Variants in BCAS3 observed in about 807,000 individuals in gnomAD.
The protein encoded by BCAS3 is BCAS3 microtubule associated cell migration factor.
BCAS3 carries 53 observed loss-of-function variants against 116.1 expected under a neutral mutation model. The observed-to-expected ratio is 0.46, with a 90% CI of 0.37 to 0.57. The LOEUF (loss-of-function observed/expected upper bound fraction) is 0.57. Among genes scored for constraint, BCAS3 ranks in the 20% least tolerant of loss-of-function variants. The pLI is 0.00. For synonymous variants in BCAS3, 391 were observed against 408.2 expected (o/e 0.96, Z 0.51); for missense variants, 917 against 1,165.4 (o/e 0.79, Z 3.10).
chr17:60,874,589 C>T lies in BCAS3; in HGVS notation c.585-73C>T, dbSNP rs540900531. ...TTGTTTTCATCTAGATGATATAATG[C>T]ATTTCTGATTCCACTTACAGAATTT... On this transcript the variant is annotated intron_variant, in intron 8 of 23. Transcript: ENST00000407086. 1.8e-5 allele frequency: 18 copies of T among 998,508 alleles called. No individual in the cohort carries two copies. The African/African-American group carries it at 2.5e-4, about 14-fold the overall frequency. 61.9% of individuals were successfully genotyped at this position (998,508 alleles called of 1,614,324 possible). A position where few individuals can be genotyped will look rare whatever the true frequency, so the allele number is the denominator to read the frequency against.
rs751329401 is a variant in BCAS3 at position 60,709,192 on chromosome 17, C to T, written c.215-27C>T. On this transcript the variant is annotated intron_variant, in intron 4 of 23. Transcript: ENST00000407086. ...ATTGCCATTATGTCTTTTAAATTTG[C>T]TTCTTTGTTACTTAATTCTAATGCA... 7 of 1,203,538 alleles carry T rather than the reference C, an allele frequency of 5.8e-6. No homozygotes were observed. The African/African-American group carries it at 1.0e-4, about 18-fold the overall frequency. The allele number at this position is 1,203,538 out of a possible 1,614,324, so 74.6% of individuals were successfully genotyped here.
chr17:60,788,238 G>A (rs2046453277), intron 6 of BCAS3, among the ~76,000 whole-genome samples: 1 of 152,122 alleles, frequency 6.6e-6, no homozygotes, highest in Non-Finnish European at 1.5e-5. Flanking sequence ...AAGGGTAACA[G>A]AAAAGAATTC....
chr17:60,790,356 A>G (rs74555236), intron 6 of BCAS3, among the ~76,000 whole-genome samples: 2,546 of 152,284 alleles, frequency 0.017, 69 homozygotes, highest in African/African-American at 0.058. Flanking sequence ...TACAAACTGT[A>G]AAGACCTTGG....
chr17:61,197,347 T>TTACATAATGGCTTACATTATG (rs1441848256), intron 22 of BCAS3, among the ~76,000 whole-genome samples: 1 of 152,206 alleles, frequency 6.6e-6, no homozygotes, highest in African/African-American at 2.4e-5. Flanking sequence ...TTACGTTTGC[T>TTACATAATGGCTTACATTATG]TAAGGAAAAG....
rs1377700401 is a variant in BCAS3 at position 61,219,309 on chromosome 17, G to T, written c.2425+134745G>T. 1.3e-5 allele frequency among the ~76,000 whole-genome samples: 2 copies of T among 152,144 alleles called. No homozygotes were observed. Among genetic ancestry groups the T allele is most frequent in the Admixed American group, 6.5e-5 (1 of 15,288 alleles). ...CGATACCCTGGAGAGGAACATTCCAGTGATTCCTTTCTGGGCATATTTCCT... is the reference window on the plus strand; with the variant it reads ...CGATACCCTGGAGAGGAACATTCCATTGATTCCTTTCTGGGCATATTTCCT... On this transcript the variant is annotated intron_variant, in intron 22 of 23. Coordinates refer to ENST00000407086, the MANE Select transcript of BCAS3 (RefSeq NM_017679.5). The surrounding 1 kb of genome is among the most constrained non-coding windows in gnomAD (Gnocchi z 5.2).
At chr17:60,894,007 T>G (rs2057351030) in intron 10 of BCAS3, among the ~76,000 whole-genome samples, 1 of 152,136 alleles carries the variant, frequency 6.6e-6, no homozygotes, top group African/African-American at 2.4e-5. Context: ...GATTTGTTAT[T>G]TTTGCTTAGG....
At chr17:60,977,476 C>T (rs991894010) in intron 14 of BCAS3, among the ~76,000 whole-genome samples, 4 of 151,410 alleles carry the variant, frequency 2.6e-5, no homozygotes, top group South Asian at 2.1e-4. Flanking sequence ...TTGCATTTGG[C>T]GGAAGCACTT....
Position 61,088,540 on chromosome 17 carries a change from G to C in BCAS3, c.2425+3976G>C, listed in dbSNP as rs2073270339. ...TGCCCTTCTTTTGATAAAGATGTAG[G>C]ACCTCTAAAGAGAAAGCAGAAAGAC... On this transcript the variant is annotated intron_variant, in intron 22 of 23. Coordinates refer to ENST00000407086, the MANE Select transcript of BCAS3 (RefSeq NM_017679.5). The surrounding 1 kb of genome is among the most constrained non-coding windows in gnomAD (Gnocchi z 4.2). Among the ~76,000 whole-genome samples the C allele has an allele frequency of 6.6e-6, 1 of 152,118 alleles. No homozygotes were observed. The highest frequency in any genetic ancestry group is 2.1e-4 in the South Asian group (1 of 4,822).
intron 19 of BCAS3, among the ~76,000 whole-genome samples, chr17:61,062,124 C>G (rs1046402207): frequency 6.6e-6 from 1 of 152,154 alleles, no homozygotes; most frequent in African/African-American, 2.4e-5. Context: ...GCTGCACCAT[C>G]TGTATCAATT....
chr17:60,872,627 C>T (rs1289563463), intron 8 of BCAS3, among the ~76,000 whole-genome samples: 3 of 150,460 alleles, frequency 2.0e-5, no homozygotes, highest in Non-Finnish European at 4.4e-5. Context: ...TATGTATATA[C>T]ACACATACAC....
chr17:61,074,981 T>C lies in BCAS3; in HGVS notation c.2091T>C (p.Ser697=), dbSNP rs1176797440. ...ATGGGTCTTACGACAGTTTAGCTTCTGACCATAGTGGACAGGAAGATGAAG... is the reference window on the plus strand; with the variant it reads ...ATGGGTCTTACGACAGTTTAGCTTCCGACCATAGTGGACAGGAAGATGAAG... ...TRHGSYDSLA[S]DHSGQEDEEW... Residue 697 remains serine (S), a synonymous_variant, in exon 20 of 24, where the codon TCT becomes TCC. Coordinates refer to ENST00000407086, the MANE Select transcript of BCAS3 (RefSeq NM_017679.5). 1 of 1,613,540 alleles carries C rather than the reference T, an allele frequency of 6.2e-7. No homozygotes were observed. Among genetic ancestry groups the C allele is most frequent in the African/African-American group, 1.3e-5 (1 of 74,928 alleles).
intron 9 of BCAS3, among the ~76,000 whole-genome samples, chr17:60,880,163 T>G (rs147874647): frequency 6.8e-4 from 103 of 152,336 alleles, no homozygotes; most frequent in African/African-American, 2.2e-3. Flanking sequence ...TAAAAACTCA[T>G]AAAACCTTAT....
chr17:60,820,325 G>C (rs150116554), intron 7 of BCAS3, among the ~76,000 whole-genome samples: 1 of 152,120 alleles, frequency 6.6e-6, no homozygotes, highest in African/African-American at 2.4e-5. Flanking sequence ...GATTACAGGC[G>C]TGAGCCACCG....
chr17:60,704,466 G>A (rs1462595894), intron 4 of BCAS3, among the ~76,000 whole-genome samples: 1 of 152,204 alleles, frequency 6.6e-6, no homozygotes, highest in Non-Finnish European at 1.5e-5. Flanking sequence ...TAGACAGTGG[G>A]AACCCTTTTT....
chr17:61,031,481 T>G (rs1329826756), intron 16 of BCAS3, among the ~76,000 whole-genome samples: 3 of 152,072 alleles, frequency 2.0e-5, no homozygotes, highest in Admixed American at 6.6e-5. Context: ...AAGTTAAAAT[T>G]TCTAACTTTG....
chr17:60,820,277 C>T (rs1378376894), intron 7 of BCAS3, among the ~76,000 whole-genome samples: 1 of 151,932 alleles, frequency 6.6e-6, no homozygotes, highest in East Asian at 2.0e-4. Context: ...GATCTCCTGA[C>T]CTTGTGATCT....
intron 22 of BCAS3, among the ~76,000 whole-genome samples, chr17:61,110,654 C>T (rs1312877033): frequency 4.0e-5 from 6 of 151,338 alleles, no homozygotes; most frequent in South Asian, 2.1e-4. Context: ...AAGGCGGCAG[C>T]GAGGCTGGGG....
At chr17:60,830,622 T>G (rs2050830967) in intron 7 of BCAS3, among the ~76,000 whole-genome samples, 1 of 152,160 alleles carries the variant, frequency 6.6e-6, no homozygotes, top group Admixed American at 6.5e-5. Flanking sequence ...CTTAGGATAC[T>G]GAGGACCAAA....
intron 13 of BCAS3, among the ~76,000 whole-genome samples, chr17:60,938,017 CT>C (rs142673156): frequency 1.1e-4 from 16 of 149,434 alleles, no homozygotes; most frequent in African/African-American, 2.0e-4. Context: ...ATTTCTCACT[CT>C]TTTTTTTTTG....
Sources: gnomAD v4.1 joint callset for allele counts (sites outside exome capture counted in the v4.1 genomes callset) on GRCh38, gnomAD v4.1.1 for gene constraint, Gnocchi (gnomAD v3.1) non-coding constraint, MANE v1.5 for transcripts, NCBI Gene and HGNC (gene_info 2026-07-23, HGNC 2026-07-21) for gene names.